The following TENM4 variants were observed in gnomAD, a reference collection of about 807,000 sequenced individuals.
TENM4 encodes teneurin-4.
In TENM4, 82 loss-of-function variants were observed where a neutral mutation model predicts 243.3. The ratio of observed to expected loss-of-function variants is 0.34; its 90% CI spans 0.28 to 0.40. TENM4 has a LOEUF of 0.40. Among genes scored for constraint, TENM4 ranks in the 10% least tolerant of loss-of-function variants. The probability of loss-of-function intolerance (pLI) is 1.00; values close to 1 mark genes in which losing one functional copy is unlikely to be tolerated. For missense variants in TENM4, 3,138 were observed against 3,673.3 expected (o/e 0.85, Z 3.77); for synonymous variants, 1,412 against 1,456.3 (o/e 0.97, Z 0.69).
chr11:78,959,601 C>G (rs1246590119), intron 6 of TENM4, among the ~76,000 whole-genome samples: 1 of 152,166 alleles, frequency 6.6e-6, no homozygotes, highest in African/African-American at 2.4e-5. Context: ...AGGACCCAGA[C>G]TCTTCCTTCA....
At chr11:79,061,732 T>C (rs1445870653) in intron 6 of TENM4, among the ~76,000 whole-genome samples, 3 of 152,184 alleles carry the variant, frequency 2.0e-5, no homozygotes, top group Admixed American at 2.0e-4. Flanking sequence ...GGGAACTCAC[T>C]GTAACTAGGG....
intron 9 of TENM4, 68 bp downstream of exon 9, chr11:78,889,717 C>A: frequency 6.7e-7 from 1 of 1,486,746 alleles, no homozygotes. Flanking sequence ...TCAGTGCCCA[C>A]ACGTGTCTTG....
At chr11:79,304,047 A>G (rs1312133028) in intron 1 of TENM4, among the ~76,000 whole-genome samples, 1 of 152,120 alleles carries the variant, frequency 6.6e-6, no homozygotes, top group Non-Finnish European at 1.5e-5. Flanking sequence ...GTACTTTGGG[A>G]AAAGGGTTGG....
chr11:79,403,341 T>C (rs1858500604), intron 1 of TENM4, among the ~76,000 whole-genome samples: 1 of 152,228 alleles, frequency 6.6e-6, no homozygotes, highest in Non-Finnish European at 1.5e-5. Context: ...CAGTTACATT[T>C]ATACAGCACT....
intron 4 of TENM4, chr11:79,096,163 TGGG>T (rs1861070441): frequency 6.6e-6 from 1 of 152,220 alleles, no homozygotes; most frequent in African/African-American, 2.4e-5. Flanking sequence ...TTCTGCAAAA[TGGG>T]GGTACTGTCT....
chr11:78,942,482 T>A (rs1433818043), intron 6 of TENM4, among the ~76,000 whole-genome samples: 1 of 151,582 alleles, frequency 6.6e-6, no homozygotes, highest in Non-Finnish European at 1.5e-5. Flanking sequence ...GGTCTCATAA[T>A]TTTTTAAGAA....
At chr11:79,324,946 C>A (rs1472619956) in intron 1 of TENM4, among the ~76,000 whole-genome samples, 1 of 152,186 alleles carries the variant, frequency 6.6e-6, no homozygotes, top group Non-Finnish European at 1.5e-5. Flanking sequence ...AAGAGGCAGG[C>A]CCCACCTCTC....
At chr11:79,302,509 C>A (rs900934850) in intron 1 of TENM4, among the ~76,000 whole-genome samples, 2 of 152,164 alleles carry the variant, frequency 1.3e-5, no homozygotes, top group African/African-American at 2.4e-5. Context: ...CAAATTATAT[C>A]TAATTCACTG....
intron 24 of TENM4, 23 bp downstream of exon 24, chr11:78,722,645 G>C: frequency 1.2e-6 from 2 of 1,603,718 alleles, no homozygotes; most frequent in Non-Finnish European, 8.5e-7. Flanking sequence ...TAGGAACTAT[G>C]AAGAAAGCAT....
chr11:78,842,382 C>T (rs510039), intron 12 of TENM4, among the ~76,000 whole-genome samples: 45,663 of 152,170 alleles, frequency 0.3, 7,843 homozygotes, highest in Middle Eastern at 0.39. Context: ...GTTCTCTTCT[C>T]TCATCTAATC....
chr11:79,163,031 G>C (rs916187093), intron 3 of TENM4, among the ~76,000 whole-genome samples: 2 of 152,170 alleles, frequency 1.3e-5, no homozygotes, highest in Non-Finnish European at 2.9e-5. Flanking sequence ...CTGCCTAAAA[G>C]GTCCCTAGAC....
chr11:78,966,941 C>T (rs534833769), intron 6 of TENM4, among the ~76,000 whole-genome samples: 1 of 152,116 alleles, frequency 6.6e-6, no homozygotes, highest in South Asian at 2.1e-4. Flanking sequence ...TCTATCTGAA[C>T]GGCAACCCAT....
chr11:78,690,232 G>A (rs955128671), intron 28 of TENM4, among the ~76,000 whole-genome samples: 24 of 152,232 alleles, frequency 1.6e-4, no homozygotes, highest in African/African-American at 5.1e-4. Flanking sequence ...TAGGAAGGAG[G>A]GTGTCTTGGA....
At chr11:79,130,109 C>A (rs1861970359) in intron 4 of TENM4, among the ~76,000 whole-genome samples, 1 of 152,126 alleles carries the variant, frequency 6.6e-6, no homozygotes, top group South Asian at 2.1e-4. Flanking sequence ...GGTAGACTTG[C>A]TGGGTGGCTA....
chr11:79,256,254 T>G (rs1017204856), intron 2 of TENM4, among the ~76,000 whole-genome samples: 4 of 152,244 alleles, frequency 2.6e-5, no homozygotes, highest in African/African-American at 9.6e-5. Flanking sequence ...TTTCCTGGTG[T>G]TGCTAATCCT....
intron 9 of TENM4, among the ~76,000 whole-genome samples, chr11:78,886,203 C>T (rs954432622): frequency 6.6e-6 from 1 of 152,152 alleles, no homozygotes; most frequent in African/African-American, 2.4e-5. Flanking sequence ...ATTGATTATA[C>T]TTGAAATTAA....
rs1004519486 is a variant in TENM4, at chr11:78,738,626, G to T, written c.2757-56C>A. 4 of 1,569,516 alleles carry T rather than the reference G, an allele frequency of 2.5e-6. No individual in the cohort carries two copies. The African/African-American group carries it at 5.4e-5, about 21-fold the overall frequency. Reference sequence around the variant, plus strand: ...TACACCTTTCATGGTCAGAGCCCTGGCTGGCAGGGAACCCCGAGAGGCCAG... The same window carrying T: ...TACACCTTTCATGGTCAGAGCCCTGTCTGGCAGGGAACCCCGAGAGGCCAG... On this transcript the variant is annotated intron_variant, in intron 19 of 33. Transcript: ENST00000278550.
intron 3 of TENM4, among the ~76,000 whole-genome samples, chr11:79,197,835 CAG>C (rs1156758372): frequency 4.6e-5 from 7 of 152,034 alleles, no homozygotes; most frequent in Admixed American, 4.6e-4. Context: ...ATTTTTTTTT[CAG>C]AGTCTTGTTA....
chr11:79,257,960 G>A (rs1211893466), intron 2 of TENM4, among the ~76,000 whole-genome samples: 1 of 152,212 alleles, frequency 6.6e-6, no homozygotes, highest in Non-Finnish European at 1.5e-5. Context: ...CAGAATGAGA[G>A]TCTGCTCAGG....
Sources: gnomAD v4.1 joint callset for allele counts (sites outside exome capture counted in the v4.1 genomes callset) on GRCh38, gnomAD v4.1.1 for gene constraint, MANE v1.5 for transcripts, NCBI Gene and HGNC (gene_info 2026-07-23, HGNC 2026-07-21) for gene names.